Variants in CATSPERE observed in about 807,000 individuals in gnomAD.
The protein encoded by CATSPERE is cation channel sperm-associated auxiliary subunit epsilon.
Under a neutral mutation model 114.1 loss-of-function variants are expected in CATSPERE, and 93 were observed. The observed-to-expected ratio is 0.81, with a 90% CI of 0.69 to 0.97. The LOEUF (loss-of-function observed/expected upper bound fraction) is 0.97. Ranked by LOEUF, CATSPERE falls within the 50% of genes least tolerant of loss-of-function variation. The probability of loss-of-function intolerance (pLI) is 0.00; values close to 1 mark genes in which losing one functional copy is unlikely to be tolerated. For missense variants in CATSPERE, 1,058 were observed against 1,131.6 expected, an observed-to-expected ratio of 0.93 and a Z score of 0.93; for synonymous variants, 341 against 384.1, an observed-to-expected ratio of 0.89 and a Z score of 1.31.
At chr1:244,567,818 C>T (rs1248357378) in intron 10 of CATSPERE, among the ~76,000 whole-genome samples, 2 of 152,004 alleles carry the variant, frequency 1.3e-5, no homozygotes, top group Non-Finnish European at 1.5e-5. Context: ...TTTGTTATTA[C>T]TCCCCTCTGA....
intron 7 of CATSPERE, among the ~76,000 whole-genome samples, chr1:244,517,087 C>A (rs957093551): frequency 1.3e-5 from 2 of 151,878 alleles, no homozygotes; most frequent in Non-Finnish European, 2.9e-5. Context: ...AAAACAGTAA[C>A]CTGTACTTGG....
intron 17 of CATSPERE, among the ~76,000 whole-genome samples, chr1:244,600,307 G>A (rs1669013857): frequency 6.6e-6 from 1 of 150,982 alleles, no homozygotes; most frequent in African/African-American, 2.4e-5. Context: ...GCCCCTGTGA[G>A]GCCAAGAGGC....
chr1:244,461,220 G>A (rs548743687), upstream of CATSPERE, among the ~76,000 whole-genome samples: 1 of 151,960 alleles, frequency 6.6e-6, no homozygotes, highest in Non-Finnish European at 1.5e-5. Context: ...TTCGCACTCC[G>A]GCTACTTTCA....
intron 7 of CATSPERE, among the ~76,000 whole-genome samples, chr1:244,512,907 A>G (rs1009555383): frequency 6.6e-6 from 1 of 152,154 alleles, no homozygotes; most frequent in Non-Finnish European, 1.5e-5. Context: ...ATTGAAGGCT[A>G]TGGTGGGGCT....
chr1:244,520,325 AG>A (rs1038348874), intron 8 of CATSPERE, among the ~76,000 whole-genome samples: 5 of 118,814 alleles, frequency 4.2e-5, no homozygotes, highest in Admixed American at 7.5e-5. Flanking sequence ...ATTTTGTGGT[AG>A]GGGTCCAAAT....
rs746376770 is a variant in CATSPERE at position 244,591,675 on chromosome 1, T to C, written c.2139-6T>C. 1 of 1,474,538 alleles carries C rather than the reference T, an allele frequency of 6.8e-7. No homozygotes were observed. Among genetic ancestry groups the C allele is most frequent in the African/African-American group, 1.4e-5 (1 of 71,454 alleles). The allele number at this position is 1,474,538 out of a possible 1,614,324, so 91.3% of individuals were successfully genotyped here. A position where few individuals can be genotyped will look rare whatever the true frequency, so the allele number is the denominator to read the frequency against. Reference sequence around the variant, plus strand: ...TTTCAACTTCATTATGTTTTGTCTTTTGTAGATTTAGTAAAAAAGGATGTC... The same window carrying C: ...TTTCAACTTCATTATGTTTTGTCTTCTGTAGATTTAGTAAAAAAGGATGTC... On this transcript the variant is annotated splice_region_variant and splice_polypyrimidine_tract_variant and intron_variant, in intron 14 of 21. Coordinates refer to ENST00000366534, the MANE Select transcript of CATSPERE (RefSeq NM_001130957.2).
intron 13 of CATSPERE, among the ~76,000 whole-genome samples, chr1:244,584,818 C>T (rs150905696): frequency 5.0e-4 from 76 of 152,234 alleles, no homozygotes; most frequent in African/African-American, 1.8e-3. Context: ...CTGAGGCAGA[C>T]GTGATCCATC....
intron 8 of CATSPERE, among the ~76,000 whole-genome samples, chr1:244,535,716 A>C (rs1394880204): frequency 6.6e-6 from 1 of 152,086 alleles, no homozygotes; most frequent in East Asian, 1.9e-4. Flanking sequence ...TCCAAGAACC[A>C]ATGCCGGGAA....
intron 5 of CATSPERE, among the ~76,000 whole-genome samples, chr1:244,489,450 ATTTTTTT>A (rs10524749): frequency 0.23 from 19,324 of 85,224 alleles, 1,951 homozygotes; most frequent in East Asian, 0.39. Context: ...AAGCATGCAG[ATTTTTTT>A]TTTTTTTTTT....
chr1:244,496,925 C>T (rs1335268565), intron 6 of CATSPERE, among the ~76,000 whole-genome samples: 1 of 152,126 alleles, frequency 6.6e-6, no homozygotes, highest in Non-Finnish European at 1.5e-5. Context: ...AACCAAAATA[C>T]AGTTAGGTCT....
intron 8 of CATSPERE, among the ~76,000 whole-genome samples, chr1:244,543,684 AT>A (rs1459590286): frequency 1.3e-5 from 2 of 149,472 alleles, no homozygotes; most frequent in Admixed American, 6.7e-5. Flanking sequence ...TAAAATAGTA[AT>A]ATGGTAGGAA....
rs117635329 is a variant in CATSPERE, at chr1:244,637,008, A to G, written c.2702+1466A>G. Among the ~76,000 whole-genome samples the G allele has an allele frequency of 9.2e-5, 14 of 152,012 alleles. No homozygotes were observed. The East Asian group carries it at 2.1e-3, about 23-fold the overall frequency. ...ACCAGCAGACTCACCCAGATCTTCA[A>G]CCATCCTCTGAGCCCTCCCTCTCTC... is the stretch of plus-strand genomic sequence containing the variant. On this transcript the variant is annotated intron_variant, in intron 21 of 21. Transcript: ENST00000366534.
chr1:244,625,800 T>C (rs1166705574), intron 20 of CATSPERE, among the ~76,000 whole-genome samples: 1 of 151,362 alleles, frequency 6.6e-6, no homozygotes. Context: ...TGTTGCCCAA[T>C]CTGGTTTCAA....
upstream of CATSPERE, chr1:244,452,246 G>T (rs1292881433): frequency 1.3e-5 from 2 of 156,544 alleles, no homozygotes; most frequent in Admixed American, 6.5e-5. Context: ...GCGCGGAAGC[G>T]CGTGTGGAGC....
At chr1:244,489,638 G>C (rs932078697) in intron 5 of CATSPERE, among the ~76,000 whole-genome samples, 1 of 151,864 alleles carries the variant, frequency 6.6e-6, no homozygotes, top group Non-Finnish European at 1.5e-5. Context: ...TTGCAGGTCT[G>C]CTTGTCATTT....
intron 8 of CATSPERE, among the ~76,000 whole-genome samples, chr1:244,524,051 C>A (rs1049893231): frequency 6.6e-6 from 1 of 151,388 alleles, no homozygotes; most frequent in African/African-American, 2.4e-5. Context: ...GCCAAAAGAA[C>A]AAAGCTGGAG....
chr1:244,563,398 C>G (rs984333323), intron 10 of CATSPERE, among the ~76,000 whole-genome samples: 1 of 152,184 alleles, frequency 6.6e-6, no homozygotes, highest in East Asian at 1.9e-4. Flanking sequence ...AAAAGCATTC[C>G]TATTTCTCCA....
intron 9 of CATSPERE, among the ~76,000 whole-genome samples, chr1:244,559,507 G>A (rs537683816): frequency 6.6e-6 from 1 of 152,234 alleles, no homozygotes; most frequent in South Asian, 2.1e-4. Flanking sequence ...AGAAACAGTG[G>A]GGAGAGGAGG....
At chr1:244,485,840 G>A (rs772285182) in intron 5 of CATSPERE, among the ~76,000 whole-genome samples, 2 of 151,488 alleles carry the variant, frequency 1.3e-5, no homozygotes, top group Non-Finnish European at 2.9e-5. Context: ...GGGACTACAG[G>A]CACACACCAC....
Sources: gnomAD v4.1 joint callset for allele counts (sites outside exome capture counted in the v4.1 genomes callset) on GRCh38, gnomAD v4.1.1 for gene constraint, MANE v1.5 for transcripts, NCBI Gene and HGNC (gene_info 2026-07-23, HGNC 2026-07-21) for gene names.